The following ABCA13 variants were observed in gnomAD, a reference collection of about 807,000 sequenced individuals.
ABCA13 encodes ATP binding cassette subfamily A member 13, also known as ATP-binding cassette sub-family A member 13.
ABCA13 carries 476 observed loss-of-function variants against 478.7 expected under a neutral mutation model. The ratio of observed to expected loss-of-function variants is 0.99; its 90% CI spans 0.92 to 1.07. The LOEUF (loss-of-function observed/expected upper bound fraction) is 1.07. ABCA13 is among the 50% of genes least tolerant of loss of function. The probability of loss-of-function intolerance (pLI) is 0.00; values close to 1 mark genes in which losing one functional copy is unlikely to be tolerated. For missense variants in ABCA13, 6,060 were observed against 5,910.6 expected (o/e 1.03, Z -0.83); for synonymous variants, 2,252 against 2,158.9 (o/e 1.04, Z -1.20).
Position 48,323,080 on chromosome 7 carries a change from C to T in ABCA13, c.9999+5784C>T, listed in dbSNP as rs191476297. ...TGGTGTGGATTCACTGCAGTTTGTT[C>T]GTCCATTCACCCACTAAAGGGCGTG... On this transcript the variant is annotated intron_variant, in intron 27 of 61. Coordinates refer to ENST00000435803, the MANE Select transcript of ABCA13 (RefSeq NM_152701.5). Among the ~76,000 whole-genome samples the T allele has an allele frequency of 6.2e-4, 94 of 152,280 alleles. 1 individual carries two copies. The highest frequency in any genetic ancestry group is 2.2e-3 in the Admixed American group (34 of 15,302).
intron 1 of ABCA13, among the ~76,000 whole-genome samples, chr7:48,182,308 C>G (rs1795805651): frequency 6.6e-6 from 1 of 152,108 alleles, no homozygotes; most frequent in Admixed American, 6.5e-5. Flanking sequence ...TAAAATAACT[C>G]TTTTATACAT....
At chr7:48,568,493 CTT>C (rs1023692352) in intron 55 of ABCA13, among the ~76,000 whole-genome samples, 17 of 151,984 alleles carry the variant, frequency 1.1e-4, no homozygotes, top group African/African-American at 4.1e-4. Context: ...GCCTACTTCT[CTT>C]TATATGGGCT....
In ABCA13 at chr7:48,381,310, T is replaced by C. The variant is rs557207187; in HGVS notation, c.11335+4738T>C. Among the ~76,000 whole-genome samples, 37 of 151,772 alleles carry C rather than the reference T, an allele frequency of 2.4e-4. No homozygotes were observed. The South Asian group carries it at 3.5e-3, about 14-fold the overall frequency. On this transcript the variant is annotated intron_variant, in intron 35 of 61. Coordinates refer to ENST00000435803, the MANE Select transcript of ABCA13 (RefSeq NM_152701.5). The stretch of plus-strand genomic sequence containing the variant: ...TAGGAGGGTGTCTCCAGATGGGAGG[T>C]AGGAGGCAGGAGGCAGGTGAGAAAT...
chr7:48,396,590 G>A (rs1816864789), intron 38 of ABCA13, among the ~76,000 whole-genome samples: 1 of 152,142 alleles, frequency 6.6e-6, no homozygotes. Flanking sequence ...TCTCTGCAAA[G>A]ACAAAACCCA....
At chr7:48,409,132 C>G (rs1351375402) in intron 39 of ABCA13, among the ~76,000 whole-genome samples, 4 of 152,198 alleles carry the variant, frequency 2.6e-5, no homozygotes, top group Admixed American at 2.6e-4. Flanking sequence ...GTTTAGCCTT[C>G]TCTCTTTGAA....
At chr7:48,315,085 TTA>T in intron 26 of ABCA13, among the ~76,000 whole-genome samples, 1 of 152,342 alleles carries the variant, frequency 6.6e-6, no homozygotes, top group Non-Finnish European at 1.5e-5. Flanking sequence ...ACACATTGTT[TTA>T]TGTGTCTGCA....
intron 35 of ABCA13, among the ~76,000 whole-genome samples, chr7:48,377,553 A>T (rs530983078): frequency 6.6e-6 from 1 of 152,344 alleles, no homozygotes; most frequent in Admixed American, 6.5e-5. Context: ...CTCATGAATC[A>T]TTTAGGGATG....
chr7:48,278,964 G>A lies in ABCA13; in HGVS notation c.7770G>A (p.Leu2590=), dbSNP rs767183253. Residue 2590 remains leucine, a synonymous_variant, in exon 18 of 62, where the codon TTG becomes TTA. Transcript: ENST00000435803. ...DHFTFEKIND[L]LVPFLDLAFE... ...TCACATTTGAAAAGATAAATGATTT[G>A]TTGGTGCCATTTCTTGACTTGGCCT... 2 of 1,613,384 alleles carry A rather than the reference G, an allele frequency of 1.2e-6. No homozygotes were observed. Among genetic ancestry groups the A allele is most frequent in the Non-Finnish European group, 1.7e-6 (2 of 1,179,812 alleles).
At chr7:48,517,785 A>G (rs994338740) in intron 52 of ABCA13, among the ~76,000 whole-genome samples, 1 of 152,146 alleles carries the variant, frequency 6.6e-6, no homozygotes, top group Non-Finnish European at 1.5e-5. Flanking sequence ...TGCTGCTTAT[A>G]TGGAGTCTGA....
chr7:48,330,948 A>G (rs898032520), intron 27 of ABCA13, among the ~76,000 whole-genome samples: 3 of 152,212 alleles, frequency 2.0e-5, no homozygotes, highest in African/African-American at 7.2e-5. Context: ...TGAAAAAGAA[A>G]TATTTTTCTT....
intron 20 of ABCA13, among the ~76,000 whole-genome samples, chr7:48,295,255 T>C (rs58365651): frequency 0.029 from 4,412 of 152,312 alleles, 213 homozygotes; most frequent in African/African-American, 0.1. Flanking sequence ...TCATTGTGGT[T>C]GATTTGCATT....
intron 42 of ABCA13, among the ~76,000 whole-genome samples, chr7:48,429,973 A>G (rs1406509728): frequency 1.3e-5 from 2 of 152,150 alleles, no homozygotes; most frequent in African/African-American, 4.8e-5. Context: ...TTGTATCTTT[A>G]TAGCAGGTAT....
chr7:48,273,544 G>A lies in ABCA13; in HGVS notation c.3878G>A (p.Ser1293Asn), dbSNP rs747333301. ...CTTGAAGTTTTCATTGAGTTTAGCA[G>A]TACCTCAGAATATATAGTCAGAAAT... is the stretch of plus-strand genomic sequence containing the variant. ...SLLEVFIEFS[S>N]TSEYIVRNLD... is the part of the protein sequence containing the mutation. The change falls in exon 17 of 62, where the codon AGT becomes AAT. Residue 1293 changes from serine (S) to asparagine (N), a missense_variant. This residue lies in a region of ABCA13 where 4,423 missense variants were observed against 4,309.1 expected (regional missense o/e 1.03). Coordinates refer to ENST00000435803, the MANE Select transcript of ABCA13 (RefSeq NM_152701.5). The A allele has an allele frequency of 1.9e-6, 3 of 1,583,210 alleles. No homozygotes were observed. Among genetic ancestry groups the A allele is most frequent in the Admixed American group, 3.7e-5 (2 of 54,714 alleles).
At chr7:48,516,299 A>G (rs1238988411) in intron 51 of ABCA13, among the ~76,000 whole-genome samples, 1 of 152,186 alleles carries the variant, frequency 6.6e-6, no homozygotes, top group Non-Finnish European at 1.5e-5. Context: ...GAGTAGCAGG[A>G]TGAAATCTTG....
Position 48,279,927 on chromosome 7 carries a change from A to T in ABCA13, c.8726+7A>T. ...TCCCACTAACAGATCAAAGGTAATT[A>T]AAAAGCTGAATTCACTTTGTTTTTT... On this transcript the variant is annotated splice_region_variant and intron_variant, in intron 18 of 61. Coordinates refer to ENST00000435803, the MANE Select transcript of ABCA13 (RefSeq NM_152701.5). The T allele has an allele frequency of 3.3e-6, 5 of 1,506,116 alleles. No individual in the cohort carries two copies. The highest frequency in any genetic ancestry group is 4.4e-6 in the Non-Finnish European group (5 of 1,130,704). 93.3% of individuals were successfully genotyped at this position (1,506,116 alleles called of 1,614,324 possible).
chr7:48,336,818 T>G (rs935312571), intron 28 of ABCA13, among the ~76,000 whole-genome samples: 6 of 152,252 alleles, frequency 3.9e-5, no homozygotes, highest in African/African-American at 1.4e-4. Context: ...TGGATTAATT[T>G]GTTAATACAG....
chr7:48,494,310 G>A (rs1830085321), intron 48 of ABCA13, among the ~76,000 whole-genome samples: 1 of 152,196 alleles, frequency 6.6e-6, no homozygotes, highest in African/African-American at 2.4e-5. Flanking sequence ...GAGAGAGTAT[G>A]AGCATGAGAA....
intron 1 of ABCA13, among the ~76,000 whole-genome samples, chr7:48,184,607 G>A (rs1437932166): frequency 6.6e-6 from 1 of 152,090 alleles, no homozygotes; most frequent in Non-Finnish European, 1.5e-5. Flanking sequence ...ATCACTTGAG[G>A]TATGGAGTTC....
At chr7:48,365,941 C>A (rs1281917468) in intron 31 of ABCA13, among the ~76,000 whole-genome samples, 1 of 152,006 alleles carries the variant, frequency 6.6e-6, no homozygotes, top group Non-Finnish European at 1.5e-5. Flanking sequence ...ATCTGCAGAT[C>A]CAATACAATC....
Sources: gnomAD v4.1 joint callset for allele counts (sites outside exome capture counted in the v4.1 genomes callset) on GRCh38, gnomAD v4.1.1 for gene constraint, gnomAD v4.1.1 regional missense constraint, MANE v1.5 for transcripts, NCBI Gene and HGNC (gene_info 2026-07-23, HGNC 2026-07-21) for gene names.